The following LIPA variants were observed in gnomAD, a reference collection of about 807,000 sequenced individuals.
LIPA encodes lysosomal acid lipase/cholesteryl ester hydrolase.
Under a neutral mutation model 40.6 loss-of-function variants are expected in LIPA, and 26 were observed. That is an observed-to-expected ratio of 0.64 (90% CI 0.47 to 0.89). The LOEUF (loss-of-function observed/expected upper bound fraction) is 0.89, where lower values mean the gene tolerates loss of function less well. Ranked by LOEUF, LIPA falls within the 40% of genes least tolerant of loss-of-function variation. The pLI is 0.00. For missense variants in LIPA, 455 were observed against 479.6 expected, an observed-to-expected ratio of 0.95 and a Z score of 0.48; for synonymous variants, 188 against 168.4, an observed-to-expected ratio of 1.12 and a Z score of -0.90.
intron 2 of LIPA, among the ~76,000 whole-genome samples, chr10:89,360,755 T>C (rs1844017180): frequency 6.6e-6 from 1 of 152,206 alleles, no homozygotes. Flanking sequence ...CTTTCCTGCT[T>C]CAATGTTTTC....
At chr10:89,248,452 A>T (rs1404766385) in intron 1 of LIPA, among the ~76,000 whole-genome samples, 2 of 36,006 alleles carry the variant, frequency 5.6e-5, no homozygotes, top group East Asian at 5.5e-4. Context: ...ATATTTATTT[A>T]TTTATTTATT....
At chr10:89,340,162 C>T in intron 1 of LIPA, 5 of 1,539,222 alleles carry the variant, frequency 3.2e-6, no homozygotes, top group Non-Finnish European at 4.4e-6. Context: ...CAGAAGCCTG[C>T]AGTGGTGGTT....
chr10:89,254,152 C>A (rs1471870681), upstream of LIPA, among the ~76,000 whole-genome samples: 2 of 152,238 alleles, frequency 1.3e-5, no homozygotes, highest in African/African-American at 4.8e-5. Context: ...CCATTGGGGA[C>A]TCTGTGTGAG....
chr10:89,343,621 C>T (rs571105540), upstream of LIPA, among the ~76,000 whole-genome samples: 79 of 152,236 alleles, frequency 5.2e-4, 1 homozygote, highest in South Asian at 0.015. Flanking sequence ...CACACCGAGG[C>T]GCTATACTTT....
rs144504062 is a variant in LIPA, at chr10:89,373,691, A to G, written c.61+39100T>C. Among the ~76,000 whole-genome samples, 1,373 of 152,342 alleles carry G rather than the reference A, an allele frequency of 9.0e-3. 10 individuals are homozygous for G. The highest frequency in any genetic ancestry group is 0.024 in the Middle Eastern group (7 of 294). On this transcript the variant is annotated intron_variant, in intron 2 of 8. Transcript: ENST00000371837. The stretch of plus-strand genomic sequence containing the variant: ...CATAGAAAATAGGTATTTATTAGGA[A>G]TTAGTCTCTGATCCAAAGCATTTGG...
intron 1 of LIPA, among the ~76,000 whole-genome samples, chr10:89,291,503 A>G (rs1843374721): frequency 6.6e-6 from 1 of 152,146 alleles, no homozygotes; most frequent in African/African-American, 2.4e-5. Context: ...CTACCACAAT[A>G]CATGATACCA....
chr10:89,319,053 T>C (rs1370890531), intron 1 of LIPA, among the ~76,000 whole-genome samples: 3 of 152,080 alleles, frequency 2.0e-5, no homozygotes, highest in Non-Finnish European at 4.4e-5. Context: ...CTCTGGGACA[T>C]ATTTAAAGCA....
intron 2 of LIPA, among the ~76,000 whole-genome samples, chr10:89,247,148 A>G (rs969492804): frequency 1.3e-5 from 2 of 152,062 alleles, no homozygotes; most frequent in Non-Finnish European, 2.9e-5. Context: ...AGGTGGACAG[A>G]TCACCTGAGC....
chr10:89,361,920 G>T, intron 2 of LIPA, among the ~76,000 whole-genome samples: 1 of 91,132 alleles, frequency 1.1e-5, no homozygotes, highest in Non-Finnish European at 1.9e-5. Context: ...TTTGAGACAG[G>T]ATCTCATTGT....
intron 2 of LIPA, among the ~76,000 whole-genome samples, chr10:89,376,018 C>A (rs940356389): frequency 3.3e-5 from 5 of 151,764 alleles, no homozygotes; most frequent in African/African-American, 4.8e-5. Context: ...GAAACCCCAT[C>A]TCTACTAAAA....
intron 1 of LIPA, among the ~76,000 whole-genome samples, chr10:89,288,465 G>C (rs1006162952): frequency 3.3e-5 from 5 of 152,126 alleles, no homozygotes; most frequent in African/African-American, 1.2e-4. Context: ...ACAGGGCTGT[G>C]CAGTCAAAAT....
chr10:89,356,187 G>A (rs1843987474), intron 2 of LIPA, among the ~76,000 whole-genome samples: 1 of 152,112 alleles, frequency 6.6e-6, no homozygotes, highest in Non-Finnish European at 1.5e-5. Flanking sequence ...CAACCAAATG[G>A]AAGAGTTGCA....
intron 1 of LIPA, among the ~76,000 whole-genome samples, chr10:89,282,858 CACACTGA>C (rs1404777352): frequency 6.6e-6 from 1 of 152,146 alleles, no homozygotes; most frequent in Non-Finnish European, 1.5e-5. Flanking sequence ...ACTTAAGGAA[CACACTGA>C]ACAAGGGAAG....
At chr10:89,413,829 T>G (rs930933646) in intron 1 of LIPA, among the ~76,000 whole-genome samples, 13 of 152,166 alleles carry the variant, frequency 8.5e-5, no homozygotes, top group African/African-American at 3.1e-4. Flanking sequence ...ATTGAGGTTT[T>G]GAATACAGAC....
intron 8 of LIPA, among the ~76,000 whole-genome samples, chr10:89,220,457 T>C (rs1034764749): frequency 6.6e-6 from 1 of 152,134 alleles, no homozygotes; most frequent in Non-Finnish European, 1.5e-5. Context: ...ACTATAAGCA[T>C]AAATGTGACC....
chr10:89,238,870 A>G (rs910639010), intron 3 of LIPA, among the ~76,000 whole-genome samples: 1 of 152,216 alleles, frequency 6.6e-6, no homozygotes, highest in African/African-American at 2.4e-5. Flanking sequence ...AATTTTGGGG[A>G]ATGCAAAAGT....
chr10:89,333,816 C>CG (rs34575858), intron 1 of LIPA, among the ~76,000 whole-genome samples: 1 of 152,180 alleles, frequency 6.6e-6, no homozygotes, highest in Admixed American at 6.5e-5. Flanking sequence ...TGAGATCCCC[C>CG]GGGAGGTTGT....
chr10:89,333,778 C>G (rs1204959557), intron 1 of LIPA, among the ~76,000 whole-genome samples: 1 of 152,206 alleles, frequency 6.6e-6, no homozygotes, highest in Non-Finnish European at 1.5e-5. Flanking sequence ...CTTCCCAGAG[C>G]CTTGCTGCTC....
chr10:89,362,450 C>A, intron 2 of LIPA: 1 of 172,146 alleles, frequency 5.8e-6, no homozygotes, highest in South Asian at 1.7e-4. Flanking sequence ...TGTGGGAATG[C>A]ACAACATACT....
Sources: gnomAD v4.1 joint callset for allele counts (sites outside exome capture counted in the v4.1 genomes callset) on GRCh38, gnomAD v4.1.1 for gene constraint, MANE v1.5 for transcripts, NCBI Gene and HGNC (gene_info 2026-07-23, HGNC 2026-07-21) for gene names.